Variants in BRINP3 observed in about 807,000 individuals in gnomAD.
BRINP3 encodes the protein BMP/retinoic acid-inducible neural-specific protein 3.
BRINP3 carries 19 observed loss-of-function variants against 71.0 expected under a neutral mutation model. That is an observed-to-expected ratio of 0.27 (90% CI 0.19 to 0.39). BRINP3 has a LOEUF of 0.39. Ranked by LOEUF, BRINP3 falls within the 10% of genes least tolerant of loss-of-function variation. The pLI is 1.00. For missense variants in BRINP3, 959 were observed against 940.8 expected (o/e 1.02, Z -0.25); for synonymous variants, 380 against 337.7 (o/e 1.13, Z -1.37).
rs551149380 is a variant in BRINP3 at position 190,104,396 on chromosome 1, A to G, written c.1185-5262T>C. Among the ~76,000 whole-genome samples the G allele has an allele frequency of 1.4e-3, 215 of 152,262 alleles. 1 individual carries two copies. The highest frequency in any genetic ancestry group is 5.0e-3 in the African/African-American group (209 of 41,572). On this transcript the variant is annotated intron_variant, in intron 7 of 7. Transcript: ENST00000367462. ...AAAGCATTTAAAAGAATGCCTGTGC[A>G]CAGAATAAACAGGAAATAAATGTAA...
chr1:190,316,932 T>C (rs1047901474), intron 2 of BRINP3, among the ~76,000 whole-genome samples: 5 of 151,932 alleles, frequency 3.3e-5, no homozygotes, highest in African/African-American at 4.8e-5. Context: ...TAGCATTTTT[T>C]AAGGCTGAGG....
intron 2 of BRINP3, among the ~76,000 whole-genome samples, chr1:190,343,360 C>T (rs1354824677): frequency 6.6e-6 from 1 of 151,704 alleles, no homozygotes; most frequent in East Asian, 1.9e-4. Context: ...AGAAACTTTG[C>T]ACAGTAAAGT....
At chr1:190,195,786 T>C (rs1338070969) in intron 6 of BRINP3, among the ~76,000 whole-genome samples, 3 of 152,212 alleles carry the variant, frequency 2.0e-5, no homozygotes, top group Middle Eastern at 3.4e-3. Context: ...TAATTTTTAC[T>C]GAACTCTGTA....
intron 2 of BRINP3, among the ~76,000 whole-genome samples, chr1:190,410,609 A>G (rs1672599094): frequency 6.6e-6 from 1 of 152,140 alleles, no homozygotes; most frequent in South Asian, 2.1e-4. Context: ...GAACATCTAA[A>G]GGCTTAAAGA....
chr1:190,388,891 A>G (rs771932773), intron 2 of BRINP3, among the ~76,000 whole-genome samples: 7 of 151,770 alleles, frequency 4.6e-5, no homozygotes, highest in Non-Finnish European at 1.0e-4. Flanking sequence ...AGAATGCTTG[A>G]TATTATATCC....
intron 2 of BRINP3, among the ~76,000 whole-genome samples, chr1:190,446,138 T>C (rs1042525024): frequency 2.6e-5 from 4 of 152,046 alleles, no homozygotes; most frequent in African/African-American, 9.6e-5. Context: ...GGCTGAAATT[T>C]TCCCAATGGC....
intron 6 of BRINP3, among the ~76,000 whole-genome samples, chr1:190,192,504 C>T (rs966911912): frequency 6.6e-6 from 1 of 150,770 alleles, no homozygotes; most frequent in Admixed American, 6.6e-5. Context: ...GCCAACATGT[C>T]CTGTTTGATA....
At chr1:190,203,675 C>T (rs958219379) in intron 6 of BRINP3, among the ~76,000 whole-genome samples, 2 of 145,124 alleles carry the variant, frequency 1.4e-5, no homozygotes, top group African/African-American at 5.0e-5. Flanking sequence ...GGAGATTTCC[C>T]TAATAGTAAA....
At chr1:190,416,535 T>A (rs1473665695) in intron 2 of BRINP3, among the ~76,000 whole-genome samples, 1 of 152,148 alleles carries the variant, frequency 6.6e-6, no homozygotes, top group Non-Finnish European at 1.5e-5. Context: ...GAACATAGAC[T>A]CATTAGCATA....
At position 190,097,971 on chromosome 1, in the gene BRINP3, A is replaced by C; in HGVS notation, c.*47T>G. ...CAAACATAAACTGTTCCACAAAAGC[A>C]CTGTAAAAACTCCTTCAAGATTTTG... On this transcript the variant is annotated 3_prime_UTR_variant, in exon 8 of 8. Coordinates refer to ENST00000367462, the MANE Select transcript of BRINP3 (RefSeq NM_199051.3). The C allele has an allele frequency of 6.5e-7, 1 of 1,531,176 alleles. No homozygotes were observed. The highest frequency in any genetic ancestry group is 1.3e-5 in the South Asian group (1 of 78,950). The allele number at this position is 1,531,176 out of a possible 1,614,324, so 94.8% of individuals were successfully genotyped here.
At chr1:190,173,931 T>G (rs2488478) in intron 6 of BRINP3, among the ~76,000 whole-genome samples, 55,949 of 151,882 alleles carry the variant, frequency 0.37, 10,369 homozygotes, top group Middle Eastern at 0.42. Context: ...ACCATGTAGA[T>G]TCTAGACCTG....
intron 1 of BRINP3, among the ~76,000 whole-genome samples, chr1:190,471,117 G>A (rs1571403243): frequency 6.6e-6 from 1 of 151,178 alleles, no homozygotes; most frequent in Admixed American, 6.6e-5. Context: ...GCTTTGAAAA[G>A]ATAGGGGCAG....
At chr1:190,209,694 G>T (rs1237979384) in intron 6 of BRINP3, among the ~76,000 whole-genome samples, 2 of 152,054 alleles carry the variant, frequency 1.3e-5, no homozygotes, top group Admixed American at 6.6e-5. Flanking sequence ...TAATCAAATA[G>T]AAAATATTTC....
chr1:190,148,453 G>A (rs1169233324), intron 7 of BRINP3, among the ~76,000 whole-genome samples: 1 of 151,592 alleles, frequency 6.6e-6, no homozygotes, highest in South Asian at 2.1e-4. Context: ...AAAACTAGCC[G>A]GGCGTGGTGG....
At chr1:190,246,995 C>G (rs939124867) in intron 4 of BRINP3, among the ~76,000 whole-genome samples, 2 of 151,778 alleles carry the variant, frequency 1.3e-5, no homozygotes, top group Non-Finnish European at 2.9e-5. Flanking sequence ...TCTCCACTTG[C>G]CTTTTTGTGT....
At chr1:190,317,573 T>G (rs1665971035) in intron 2 of BRINP3, among the ~76,000 whole-genome samples, 1 of 152,178 alleles carries the variant, frequency 6.6e-6, no homozygotes, top group Non-Finnish European at 1.5e-5. Context: ...CCCTTTCTCT[T>G]GGATTTTCAG....
At chr1:190,353,223 A>C (rs74598260) in intron 2 of BRINP3, among the ~76,000 whole-genome samples, 2 of 152,050 alleles carry the variant, frequency 1.3e-5, no homozygotes, top group African/African-American at 4.8e-5. Flanking sequence ...CTGAGAATCA[A>C]AATTGTCTAT....
At chr1:190,409,529 T>G (rs1571977788) in intron 2 of BRINP3, among the ~76,000 whole-genome samples, 3 of 152,180 alleles carry the variant, frequency 2.0e-5, no homozygotes, top group African/African-American at 4.8e-5. Flanking sequence ...CAGAGTACAC[T>G]CTTTTAAAAG....
At chr1:190,303,136 G>A (rs1664854539) in intron 2 of BRINP3, among the ~76,000 whole-genome samples, 1 of 151,552 alleles carries the variant, frequency 6.6e-6, no homozygotes, top group African/African-American at 2.4e-5. Flanking sequence ...ATATAGAGCA[G>A]ATGGAAATCA....
Sources: gnomAD v4.1 joint callset for allele counts (sites outside exome capture counted in the v4.1 genomes callset) on GRCh38, gnomAD v4.1.1 for gene constraint, MANE v1.5 for transcripts, NCBI Gene and HGNC (gene_info 2026-07-23, HGNC 2026-07-21) for gene names.